ADAMTS20: variants seen among roughly 807,000 people sequenced by gnomAD.
ADAMTS20 encodes the protein ADAM metallopeptidase with thrombospondin type 1 motif 20.
A neutral mutation model predicts 260.1 loss-of-function variants in ADAMTS20; 225 were observed. That is an observed-to-expected ratio of 0.87 (90% CI 0.78 to 0.97). The LOEUF (loss-of-function observed/expected upper bound fraction) is 0.97. ADAMTS20 is among the 50% of genes least tolerant of loss of function. The probability of loss-of-function intolerance (pLI) is 0.00; values close to 1 mark genes in which losing one functional copy is unlikely to be tolerated. For missense variants in ADAMTS20, 2,400 were observed against 2,337.7 expected (o/e 1.03, Z -0.55); for synonymous variants, 802 against 769.5 (o/e 1.04, Z -0.70).
chr12:43,369,188 T>C, intron 37 of ADAMTS20, 102 bp downstream of exon 37: 1 of 636,796 alleles, frequency 1.6e-6, no homozygotes, highest in Non-Finnish European at 2.4e-6. Flanking sequence ...TGCATTTCTA[T>C]TTACTTATGT....
At chr12:43,520,123 C>CT (rs1246655873) in intron 3 of ADAMTS20, among the ~76,000 whole-genome samples, 1 of 151,986 alleles carries the variant, frequency 6.6e-6, no homozygotes, top group Non-Finnish European at 1.5e-5. Context: ...AAAAAGGCTT[C>CT]TTTTGGAGGA....
At chr12:43,484,655 A>G (rs1942494921) in intron 7 of ADAMTS20, among the ~76,000 whole-genome samples, 1 of 152,190 alleles carries the variant, frequency 6.6e-6, no homozygotes, top group Non-Finnish European at 1.5e-5. Flanking sequence ...AAAAGAATGA[A>G]AAGAAATGAA....
intron 7 of ADAMTS20, among the ~76,000 whole-genome samples, chr12:43,471,528 G>C: frequency 7.6e-6 from 1 of 130,774 alleles, no homozygotes; most frequent in Admixed American, 7.8e-5. Flanking sequence ...CCACCTCTGG[G>C]GGCAGGGCAC....
chr12:43,386,505 A>C lies in ADAMTS20; in HGVS notation c.4453-2528T>G, dbSNP rs549461995. On this transcript the variant is annotated intron_variant, in intron 29 of 38. Coordinates refer to ENST00000389420, the MANE Select transcript of ADAMTS20 (RefSeq NM_025003.5). ...CAGGACTACCTTTGTAGTGTTCTCT[A>C]TATTTCCTGAATTTGAATGTTGGCC... Among the ~76,000 whole-genome samples the C allele has an allele frequency of 3.9e-5, 6 of 152,056 alleles. No homozygotes were observed. The South Asian group carries it at 1.0e-3, about 26-fold the overall frequency.
intron 21 of ADAMTS20, among the ~76,000 whole-genome samples, chr12:43,432,083 G>C (rs1941455523): frequency 6.6e-6 from 1 of 152,002 alleles, no homozygotes; most frequent in African/African-American, 2.4e-5. Context: ...GAACATCTGA[G>C]CTCAAGCAAT....
At chr12:43,527,703 C>T (rs2137495192) in intron 3 of ADAMTS20, among the ~76,000 whole-genome samples, 1 of 152,066 alleles carries the variant, frequency 6.6e-6, no homozygotes, top group Middle Eastern at 3.4e-3. Flanking sequence ...TAATAAAAGC[C>T]ATATTTAACA....
intron 2 of ADAMTS20, among the ~76,000 whole-genome samples, chr12:43,544,520 G>A (rs1268029425): frequency 1.3e-5 from 2 of 152,176 alleles, no homozygotes; most frequent in Non-Finnish European, 2.9e-5. Context: ...GAGAGTACAC[G>A]TGCATAAAAC....
intron 3 of ADAMTS20, among the ~76,000 whole-genome samples, chr12:43,531,539 T>G (rs1033572738): frequency 2.6e-5 from 4 of 152,150 alleles, no homozygotes; most frequent in Admixed American, 6.6e-5. Flanking sequence ...CTTCAATATT[T>G]AAGAAATATC....
At chr12:43,380,505 T>C (rs1393085632) in intron 31 of ADAMTS20, among the ~76,000 whole-genome samples, 2 of 152,234 alleles carry the variant, frequency 1.3e-5, no homozygotes, top group African/African-American at 4.8e-5. Flanking sequence ...TCTCTATTTG[T>C]AGATGAGATG....
At chr12:43,495,446 G>C (rs1243648514) in intron 4 of ADAMTS20, among the ~76,000 whole-genome samples, 1 of 152,142 alleles carries the variant, frequency 6.6e-6, no homozygotes, top group Admixed American at 6.5e-5. Flanking sequence ...CAGGATCATA[G>C]GGATCAATCA....
At chr12:43,482,884 T>G (rs1237475256) in intron 7 of ADAMTS20, among the ~76,000 whole-genome samples, 1 of 152,128 alleles carries the variant, frequency 6.6e-6, no homozygotes, top group East Asian at 1.9e-4. Context: ...ACAACATCTG[T>G]AGGTCAGATA....
intron 3 of ADAMTS20, among the ~76,000 whole-genome samples, chr12:43,507,159 G>A (rs1036581694): frequency 6.6e-6 from 1 of 152,086 alleles, no homozygotes; most frequent in African/African-American, 2.4e-5. Flanking sequence ...GTGTTAATTT[G>A]ATTGTGGTAA....
At chr12:43,520,028 T>C (rs1382623657) in intron 3 of ADAMTS20, among the ~76,000 whole-genome samples, 2 of 152,156 alleles carry the variant, frequency 1.3e-5, no homozygotes, top group Non-Finnish European at 2.9e-5. Flanking sequence ...TATTTCTAGT[T>C]CTTGTTCTTT....
intron 7 of ADAMTS20, among the ~76,000 whole-genome samples, chr12:43,483,299 T>G (rs1942469893): frequency 1.3e-5 from 2 of 151,940 alleles, no homozygotes; most frequent in South Asian, 4.1e-4. Context: ...AAGGGGAGTG[T>G]TCCATATTAA....
At chr12:43,496,279 A>G (rs967627733) in intron 4 of ADAMTS20, among the ~76,000 whole-genome samples, 2 of 152,234 alleles carry the variant, frequency 1.3e-5, no homozygotes, top group Non-Finnish European at 2.9e-5. Context: ...TATAGTGTCC[A>G]TTTTACAGAT....
intron 28 of ADAMTS20, among the ~76,000 whole-genome samples, chr12:43,409,620 A>C (rs1199941308): frequency 6.8e-6 from 1 of 147,662 alleles, no homozygotes; most frequent in Admixed American, 6.7e-5. Context: ...AAAAAAAAAA[A>C]AAAAAAAAAA....
intron 7 of ADAMTS20, among the ~76,000 whole-genome samples, chr12:43,482,500 G>A (rs909821128): frequency 2.6e-5 from 4 of 152,304 alleles, no homozygotes; most frequent in Non-Finnish European, 5.9e-5. Flanking sequence ...GCTGAGTGGG[G>A]CTTACTGCCA....
intron 28 of ADAMTS20, among the ~76,000 whole-genome samples, chr12:43,413,392 C>G (rs1941070307): frequency 6.6e-6 from 1 of 152,034 alleles, no homozygotes; most frequent in East Asian, 1.9e-4. Flanking sequence ...ATGTTTACAC[C>G]TTGAAAAAAG....
chr12:43,396,509 A>G (rs1363091790), intron 29 of ADAMTS20, among the ~76,000 whole-genome samples: 1 of 152,184 alleles, frequency 6.6e-6, no homozygotes, highest in Non-Finnish European at 1.5e-5. Context: ...GGTGCTTTTT[A>G]TAGAATAAAT....
Sources: gnomAD v4.1 joint callset for allele counts (sites outside exome capture counted in the v4.1 genomes callset) on GRCh38, gnomAD v4.1.1 for gene constraint, MANE v1.5 for transcripts, NCBI Gene and HGNC (gene_info 2026-07-23, HGNC 2026-07-21) for gene names.